The following TANC2 variants were observed in gnomAD, a reference collection of about 807,000 sequenced individuals.
TANC2 encodes protein TANC2.
In TANC2, 26 loss-of-function variants were observed where a neutral mutation model predicts 210.5. The observed-to-expected ratio is 0.12, with a 90% confidence interval of 0.09 to 0.17. TANC2 has a LOEUF of 0.17. Among genes scored for constraint, TANC2 ranks in the 10% least tolerant of loss-of-function variants. The pLI is 1.00. For synonymous variants in TANC2, 931 were observed against 967.1 expected (o/e 0.96, Z 0.69); for missense variants, 2,129 against 2,608.9 (o/e 0.82, Z 4.01).
intron 7 of TANC2, among the ~76,000 whole-genome samples, chr17:63,217,302 T>C (rs2042050250): frequency 6.6e-6 from 1 of 152,142 alleles, no homozygotes; most frequent in Admixed American, 6.5e-5. Flanking sequence ...AACCTCTACC[T>C]GTACTGACTA....
chr17:63,262,494 T>C (rs371528518), intron 8 of TANC2, among the ~76,000 whole-genome samples: 2 of 152,282 alleles, frequency 1.3e-5, no homozygotes, highest in East Asian at 1.9e-4. Context: ...CCAGCTGATA[T>C]TTGTAACTTT....
At chr17:63,022,340 C>CAAAA (rs71155967) in intron 2 of TANC2, among the ~76,000 whole-genome samples, 12 of 138,056 alleles carry the variant, frequency 8.7e-5, no homozygotes, top group South Asian at 2.4e-4. Context: ...AACTCCATCT[C>CAAAA]AAAAAAAAAA....
chr17:63,170,602 A>AT (rs1282825765), intron 5 of TANC2, among the ~76,000 whole-genome samples: 1 of 152,110 alleles, frequency 6.6e-6, no homozygotes, highest in Non-Finnish European at 1.5e-5. Context: ...ATGTAAAAGT[A>AT]TTTTTTTATT....
At chr17:63,077,691 A>G (rs1029221318) in intron 3 of TANC2, among the ~76,000 whole-genome samples, 6 of 152,162 alleles carry the variant, frequency 3.9e-5, no homozygotes, top group Non-Finnish European at 5.9e-5. Flanking sequence ...AAGAAAGGAG[A>G]TGTTAGAATA....
chr17:63,369,571 T>C (rs76480275), intron 14 of TANC2, among the ~76,000 whole-genome samples: 3 of 145,638 alleles, frequency 2.1e-5, no homozygotes, highest in Admixed American at 2.0e-4. Flanking sequence ...TTTTTTTTTT[T>C]GAGACGGGGT....
At chr17:63,339,983 G>A in intron 11 of TANC2, 118 bp from the exon 12 acceptor site, 1 of 730,358 alleles carries the variant, frequency 1.4e-6, no homozygotes, top group Non-Finnish European at 2.2e-6. Flanking sequence ...AGACAAAAAA[G>A]TATTATGTAA....
At chr17:63,172,822 T>G (rs557867155) in intron 5 of TANC2, among the ~76,000 whole-genome samples, 1 of 152,356 alleles carries the variant, frequency 6.6e-6, no homozygotes, top group African/African-American at 2.4e-5. Flanking sequence ...GCAAAAAGGC[T>G]TATAAGCCTG....
exon 14 of TANC2, chr17:63,355,278 A>G (rs1347559756): frequency 1.2e-6 from 2 of 1,613,252 alleles, no homozygotes; most frequent in African/African-American, 1.3e-5. Context: ...GAACCTCTCC[A>G]TGTTCCTAAT....
chr17:63,045,217 G>T (rs1007688262), intron 2 of TANC2, among the ~76,000 whole-genome samples: 1 of 152,174 alleles, frequency 6.6e-6, no homozygotes, highest in Admixed American at 6.5e-5. Flanking sequence ...TTGAGTAGTC[G>T]TGACAGGGAG....
At chr17:63,133,352 G>A (rs926154738) in intron 4 of TANC2, among the ~76,000 whole-genome samples, 6 of 152,068 alleles carry the variant, frequency 3.9e-5, no homozygotes, top group South Asian at 4.1e-4. Flanking sequence ...TGATCCACCC[G>A]CCTCTGCCTC....
chr17:63,088,409 C>T (rs1434095078), intron 3 of TANC2: 1 of 152,192 alleles, frequency 6.6e-6, no homozygotes, highest in Admixed American at 6.5e-5. Context: ...GCATTTATAG[C>T]CTTTCTTCCC....
chr17:63,280,736 T>C (rs767668832), intron 9 of TANC2, among the ~76,000 whole-genome samples: 1 of 152,152 alleles, frequency 6.6e-6, no homozygotes, highest in African/African-American at 2.4e-5. Flanking sequence ...GTAGATTTTA[T>C]GTAATACTGA....
At chr17:63,024,337 A>C (rs2034465669) in intron 2 of TANC2, among the ~76,000 whole-genome samples, 1 of 152,198 alleles carries the variant, frequency 6.6e-6, no homozygotes. Flanking sequence ...TGGATTATTT[A>C]TGCCTCTCCT....
chr17:63,355,236 C>A, exon 14 of TANC2: 3 of 1,613,652 alleles, frequency 1.9e-6, no homozygotes, highest in Non-Finnish European at 2.5e-6. Context: ...TGAAGGCACA[C>A]TAGAATGGGA....
intron 1 of TANC2, among the ~76,000 whole-genome samples, chr17:62,980,547 A>G (rs1301585596): frequency 6.6e-6 from 1 of 152,156 alleles, no homozygotes; most frequent in Non-Finnish European, 1.5e-5. Flanking sequence ...ATTTTGGGTA[A>G]AGAATACTTA....
chr17:63,384,642 A>G (rs897739340), intron 15 of TANC2, among the ~76,000 whole-genome samples: 3 of 152,188 alleles, frequency 2.0e-5, no homozygotes, highest in Non-Finnish European at 4.4e-5. Flanking sequence ...TCCTAAAGTT[A>G]GCATACATAT....
intron 4 of TANC2, among the ~76,000 whole-genome samples, chr17:63,119,147 A>G (rs1163717212): frequency 6.6e-6 from 1 of 152,084 alleles, no homozygotes; most frequent in Non-Finnish European, 1.5e-5. Flanking sequence ...GCTGATCTCA[A>G]ACTTGGGCTC....
At chr17:63,302,599 CTTTTTTTTTTT>C (rs568226580) in intron 9 of TANC2, among the ~76,000 whole-genome samples, 9 of 22,734 alleles carry the variant, frequency 4.0e-4, no homozygotes, top group Non-Finnish European at 5.5e-4. Flanking sequence ...GCAACCCCTG[CTTTTTTTTTTT>C]TTTTTTTTTT....
At chr17:63,095,390 CA>C (rs1157972966) in intron 3 of TANC2, among the ~76,000 whole-genome samples, 2 of 152,066 alleles carry the variant, frequency 1.3e-5, no homozygotes, top group Non-Finnish European at 2.9e-5. Context: ...ACATCGATCT[CA>C]AACTCCTGGC....
Sources: gnomAD v4.1 joint callset for allele counts (sites outside exome capture counted in the v4.1 genomes callset) on GRCh38, gnomAD v4.1.1 for gene constraint, MANE v1.5 for transcripts, NCBI Gene and HGNC (gene_info 2026-07-23, HGNC 2026-07-21) for gene names.